Variants in SDK2 observed in about 807,000 individuals in gnomAD.
SDK2 encodes the protein protein sidekick-2.
In SDK2, 105 loss-of-function variants were observed where a neutral mutation model predicts 253.9. The observed-to-expected ratio is 0.41, with a 90% CI of 0.35 to 0.49. The LOEUF (loss-of-function observed/expected upper bound fraction) is 0.49. Ranked by LOEUF, SDK2 falls within the 20% of genes least tolerant of loss-of-function variation. The pLI is 0.06. For synonymous variants in SDK2, 1,249 were observed against 1,234.9 expected, an observed-to-expected ratio of 1.01 and a Z score of -0.24; for missense variants, 2,608 against 3,003.0, an observed-to-expected ratio of 0.87 and a Z score of 3.07.
At chr17:73,543,272 T>C (rs1158400441) in intron 1 of SDK2, among the ~76,000 whole-genome samples, 1 of 151,954 alleles carries the variant, frequency 6.6e-6, no homozygotes, top group Admixed American at 6.6e-5. Context: ...CTGCCCTCCC[T>C]GGGGTTGAGG....
rs913678004 is a variant in SDK2 at position 73,422,529 on chromosome 17, G to A, written c.1898-95C>T. 36 of 1,422,528 alleles carry A rather than the reference G, an allele frequency of 2.5e-5. No individual in the cohort carries two copies. In the African/African-American group the frequency reaches 2.5e-4, roughly 10 times the overall value. 88.1% of individuals were successfully genotyped at this position (1,422,528 alleles called of 1,614,324 possible). Reference sequence around the variant, plus strand: ...TCCCAGCAGGGTCCAGCTTCACTGGGGCTGGCAAGAGAGAGCCTCCCCAGC... The same window carrying A: ...TCCCAGCAGGGTCCAGCTTCACTGGAGCTGGCAAGAGAGAGCCTCCCCAGC... On this transcript the variant is annotated intron_variant, in intron 14 of 44. Transcript: ENST00000392650.
intron 1 of SDK2, among the ~76,000 whole-genome samples, chr17:73,515,771 T>C (rs750609463): frequency 6.6e-5 from 10 of 152,240 alleles, no homozygotes; most frequent in Admixed American, 2.6e-4. Context: ...TGGGAGAAGA[T>C]AAATTGGGTT....
chr17:73,503,720 A>G (rs1440024704), intron 2 of SDK2, among the ~76,000 whole-genome samples: 1 of 152,186 alleles, frequency 6.6e-6, no homozygotes, highest in Non-Finnish European at 1.5e-5. Context: ...AGGGCTGCCA[A>G]TCCTGATGTC....
At chr17:73,419,120 C>T in intron 16 of SDK2, 46 bp downstream of exon 16, 1 of 1,596,910 alleles carries the variant, frequency 6.3e-7, no homozygotes, top group Non-Finnish European at 8.5e-7. Context: ...TTCCCCCATG[C>T]CTTTCCCCTT....
chr17:73,375,398 C>T (rs1260313887), intron 36 of SDK2, among the ~76,000 whole-genome samples: 1 of 151,948 alleles, frequency 6.6e-6, no homozygotes, highest in African/African-American at 2.4e-5. Flanking sequence ...TGCCACCACA[C>T]CCGGCTAATT....
intron 32 of SDK2, among the ~76,000 whole-genome samples, chr17:73,385,500 A>C (rs1457751460): frequency 6.6e-6 from 1 of 152,078 alleles, no homozygotes; most frequent in East Asian, 1.9e-4. Flanking sequence ...AGCAGGCCTA[A>C]GGCTAATACA....
At chr17:73,579,316 C>T (rs1193023295) in intron 1 of SDK2, among the ~76,000 whole-genome samples, 6 of 152,162 alleles carry the variant, frequency 3.9e-5, no homozygotes, top group Admixed American at 6.5e-5. Flanking sequence ...TATCAGGGCC[C>T]GAGGGGTCAG....
At chr17:73,419,080 T>C in intron 16 of SDK2, 86 bp downstream of exon 16, 1 of 1,463,124 alleles carries the variant, frequency 6.8e-7, no homozygotes, top group Non-Finnish European at 9.3e-7. Context: ...CTGCCATGAA[T>C]TTGCACTGTT....
intron 1 of SDK2, among the ~76,000 whole-genome samples, chr17:73,597,557 G>C (rs16977706): frequency 0.11 from 17,366 of 152,144 alleles, 1,070 homozygotes; most frequent in South Asian, 0.19. Flanking sequence ...GGAACGACAG[G>C]CTTCTGCCGA....
intron 1 of SDK2, among the ~76,000 whole-genome samples, chr17:73,577,024 C>T (rs1367361744): frequency 1.3e-5 from 2 of 152,178 alleles, no homozygotes; most frequent in African/African-American, 4.8e-5. Flanking sequence ...CCCATGGCAG[C>T]CTCACCTGCA....
intron 25 of SDK2, among the ~76,000 whole-genome samples, chr17:73,394,600 C>T (rs749797787): frequency 1.3e-5 from 2 of 152,182 alleles, no homozygotes; most frequent in African/African-American, 2.4e-5. Context: ...CCTGCTAGCA[C>T]AGCAGAGAGG....
intron 3 of SDK2, among the ~76,000 whole-genome samples, chr17:73,464,100 C>G (rs2063581947): frequency 6.6e-6 from 1 of 152,212 alleles, no homozygotes; most frequent in South Asian, 2.1e-4. Flanking sequence ...AAGCTGCTCA[C>G]TTCAGATCAC....
Position 73,481,917 on chromosome 17 carries a change from C to A in SDK2, c.225-9699G>T, listed in dbSNP as rs1026109813. 2.1e-4 allele frequency among the ~76,000 whole-genome samples: 32 copies of A among 152,312 alleles called. No individual in the cohort carries two copies. Among genetic ancestry groups the A allele is most frequent in the African/African-American group, 7.5e-4 (31 of 41,558 alleles). ...GCCAAGTCCCATAACGAACCTCGTG[C>A]ATCTGTCTCTCTCCCATTGCTTCTG... On this transcript the variant is annotated intron_variant, in intron 2 of 44. Coordinates refer to ENST00000392650, the MANE Select transcript of SDK2 (RefSeq NM_001144952.2). This position sits in a 1 kb window ranked among gnomAD's most constrained non-coding sequence, Gnocchi z 4.5.
intron 1 of SDK2, among the ~76,000 whole-genome samples, chr17:73,509,134 C>A (rs948024659): frequency 6.6e-6 from 1 of 152,230 alleles, no homozygotes; most frequent in African/African-American, 2.4e-5. Flanking sequence ...GGTCTGTCAT[C>A]TACGGACTTG....
intron 1 of SDK2, among the ~76,000 whole-genome samples, chr17:73,536,800 G>T (rs992823554): frequency 6.6e-6 from 1 of 152,198 alleles, no homozygotes; most frequent in African/African-American, 2.4e-5. Flanking sequence ...TATAAAAGTG[G>T]TTCCAGAGGG....
At chr17:73,595,267 G>A (rs1480843256) in intron 1 of SDK2, among the ~76,000 whole-genome samples, 2 of 152,170 alleles carry the variant, frequency 1.3e-5, no homozygotes, top group South Asian at 4.1e-4. Context: ...AGGCCTGGGG[G>A]AGAGCGTGGC....
At chr17:73,480,275 G>A (rs2063712946) in intron 2 of SDK2, among the ~76,000 whole-genome samples, 1 of 152,204 alleles carries the variant, frequency 6.6e-6, no homozygotes, top group African/African-American at 2.4e-5. Flanking sequence ...ATGGCTTGGG[G>A]TCTCTCATTC....
intron 13 of SDK2, 79 bp downstream of exon 13, chr17:73,423,837 A>G (rs1599552973): frequency 7.3e-6 from 9 of 1,228,790 alleles, no homozygotes; most frequent in African/African-American, 1.6e-5. Context: ...ATCTGAAAAA[A>G]GGGACTCGGC....
intron 1 of SDK2, among the ~76,000 whole-genome samples, chr17:73,577,667 A>G (rs998282055): frequency 2.0e-5 from 3 of 152,116 alleles, no homozygotes; most frequent in Non-Finnish European, 4.4e-5. Flanking sequence ...CTGGGCGTGA[A>G]TCCTGCTCCT....
Sources: allele counts gnomAD v4.1 joint callset (sites outside exome capture counted in the v4.1 genomes callset), GRCh38; gene constraint gnomAD v4.1.1; non-coding constraint Gnocchi (gnomAD v3.1); transcripts MANE v1.5; gene names NCBI Gene and HGNC (gene_info 2026-07-23, HGNC 2026-07-21).